SKAP2: variants seen among roughly 807,000 people sequenced by gnomAD.
SKAP2 encodes the protein src kinase-associated phosphoprotein 2.
SKAP2 carries 28 observed loss-of-function variants against 54.9 expected under a neutral mutation model. The ratio of observed to expected loss-of-function variants is 0.51; its 90% confidence interval spans 0.38 to 0.70. The LOEUF (loss-of-function observed/expected upper bound fraction) is 0.70, where lower values mean the gene tolerates loss of function less well. Ranked by LOEUF, SKAP2 falls within the 30% of genes least tolerant of loss-of-function variation. The pLI, the probability that SKAP2 is intolerant of heterozygous loss-of-function variation, is 0.00. For synonymous variants in SKAP2, 137 were observed against 134.3 expected (o/e 1.02, Z -0.14); for missense variants, 356 against 424.1 (o/e 0.84, Z 1.41).
chr7:26,726,377 G>T (rs1474057201), intron 7 of SKAP2, among the ~76,000 whole-genome samples: 1 of 152,020 alleles, frequency 6.6e-6, no homozygotes, highest in Non-Finnish European at 1.5e-5. Flanking sequence ...TTAATTAACT[G>T]GCTTTCAACT....
rs142714228 is a variant in SKAP2 at position 26,667,123 on chromosome 7, T to C, written c.*2543A>G. The C allele has an allele frequency of 1.3e-5, 2 of 152,308 alleles. No individual in the cohort carries two copies. Among genetic ancestry groups the C allele is most frequent in the Middle Eastern group, 3.4e-3 (1 of 294 alleles). 9.4% of individuals were successfully genotyped at this position (152,308 alleles called of 1,614,324 possible). ...TAAAAATTTGCAGAGTGGAACATTA[T>C]TGTAAGATCTAATGGCAATAGAGTA... On this transcript the variant is annotated 3_prime_UTR_variant, in exon 13 of 13. Transcript: ENST00000345317.
intron 1 of SKAP2, among the ~76,000 whole-genome samples, chr7:26,858,511 C>T (rs1309568249): frequency 2.6e-5 from 4 of 152,172 alleles, no homozygotes; most frequent in Admixed American, 6.5e-5. Flanking sequence ...GCTCAGCAAT[C>T]TTGAGCAGTT....
At chr7:26,656,162 C>G in the SKAP2 span, among the ~76,000 whole-genome samples, 1,881 of 152,302 alleles carry the variant, frequency 0.012, 19 homozygotes, top group South Asian at 0.029. Context: ...ATTTACAGAA[C>G]AGGGTCAGGC....
chr7:26,684,956 T>TA (rs1786598194), intron 10 of SKAP2, 108 bp from the exon 11 acceptor site: 2 of 638,662 alleles, frequency 3.1e-6, no homozygotes, highest in African/African-American at 1.8e-5. Context: ...TAAAATAGTC[T>TA]AAAAAAATTA....
intron 9 of SKAP2, among the ~76,000 whole-genome samples, chr7:26,705,265 G>T (rs1486783702): frequency 6.6e-6 from 1 of 152,070 alleles, no homozygotes; most frequent in Admixed American, 6.5e-5. Context: ...TAAATGTTAT[G>T]CCATAATTAT....
chr7:26,702,833 C>T (rs933959833), intron 9 of SKAP2, among the ~76,000 whole-genome samples: 1 of 152,200 alleles, frequency 6.6e-6, no homozygotes, highest in Non-Finnish European at 1.5e-5. Flanking sequence ...CCACATTTCC[C>T]CTCTGCAATA....
chr7:26,702,188 A>C (rs1404325149), intron 9 of SKAP2, among the ~76,000 whole-genome samples: 1 of 152,002 alleles, frequency 6.6e-6, no homozygotes, highest in East Asian at 1.9e-4. Context: ...AGGGTCTCAC[A>C]CTGTCACCCA....
At chr7:26,857,321 A>AAC (rs1785187536) in intron 1 of SKAP2, 2 of 240,960 alleles carry the variant, frequency 8.3e-6, no homozygotes, top group Non-Finnish European at 1.3e-5. Flanking sequence ...AAAAAAAAAA[A>AAC]AAAAAAAAAA....
intron 2 of SKAP2, 106 bp downstream of exon 2, chr7:26,854,679 T>C: frequency 5.1e-6 from 6 of 1,173,630 alleles, no homozygotes; most frequent in Non-Finnish European, 7.1e-6. Flanking sequence ...TCAGTTAAAC[T>C]GGAACATGAA....
intron 3 of SKAP2, among the ~76,000 whole-genome samples, chr7:26,845,209 T>C (rs1280064408): frequency 2.6e-5 from 4 of 152,172 alleles, no homozygotes; most frequent in Non-Finnish European, 5.9e-5. Context: ...TCCTGGCAGA[T>C]TCAGATTAAT....
chr7:26,842,191 G>A (rs1784830457), intron 4 of SKAP2, among the ~76,000 whole-genome samples: 1 of 151,432 alleles, frequency 6.6e-6, no homozygotes, highest in Non-Finnish European at 1.5e-5. Context: ...AATACTACAG[G>A]TAAAAGTTTT....
intron 9 of SKAP2, among the ~76,000 whole-genome samples, 190 bp from the exon 10 acceptor site, chr7:26,690,552 T>A (rs2127940228): frequency 6.6e-6 from 1 of 152,322 alleles, no homozygotes; most frequent in Middle Eastern, 3.4e-3. Context: ...TACTAGCTAC[T>A]GCCAAATAGC....
At chr7:26,860,503 G>A (rs57297117) in intron 1 of SKAP2, among the ~76,000 whole-genome samples, 3,098 of 152,074 alleles carry the variant, frequency 0.02, 96 homozygotes, top group African/African-American at 0.071. Context: ...GCTTGTTCTT[G>A]CTCCATAGGA....
intron 9 of SKAP2, among the ~76,000 whole-genome samples, chr7:26,691,726 G>A (rs993659045): frequency 1.1e-4 from 16 of 152,188 alleles, no homozygotes; most frequent in African/African-American, 7.2e-5. Flanking sequence ...GGAGTACCAC[G>A]GAGGCTCCAA....
downstream of SKAP2, among the ~76,000 whole-genome samples, chr7:26,666,289 C>T (rs1206529037): frequency 6.6e-6 from 1 of 152,102 alleles, no homozygotes; most frequent in Non-Finnish European, 1.5e-5. Context: ...TCTTAAACAA[C>T]ATGTATATTA....
intron 4 of SKAP2, among the ~76,000 whole-genome samples, chr7:26,816,810 T>C (rs1784275336): frequency 6.6e-6 from 1 of 152,102 alleles, no homozygotes. Context: ...TCTAGAAAAG[T>C]ATTAGTCAAA....
chr7:26,854,703 T>C, intron 2 of SKAP2, 82 bp downstream of exon 2: 1 of 1,372,772 alleles, frequency 7.3e-7, no homozygotes, highest in South Asian at 1.3e-5. Context: ...TTTAACTCCA[T>C]AATAATCGAT....
intron 9 of SKAP2, among the ~76,000 whole-genome samples, chr7:26,702,630 C>G (rs1049761720): frequency 2.0e-5 from 3 of 152,080 alleles, no homozygotes; most frequent in African/African-American, 7.2e-5. Flanking sequence ...CAGTAAGAAA[C>G]TGAGGGTGGG....
chr7:26,721,321 T>G (rs759794254), intron 9 of SKAP2, among the ~76,000 whole-genome samples: 1 of 152,178 alleles, frequency 6.6e-6, no homozygotes. Flanking sequence ...AGCATTTGTG[T>G]CCATTTGCTG....
Sources: allele counts gnomAD v4.1 joint callset (sites outside exome capture counted in the v4.1 genomes callset), GRCh38; gene constraint gnomAD v4.1.1; transcripts MANE v1.5; gene names NCBI Gene and HGNC (gene_info 2026-07-23, HGNC 2026-07-21).